The following TENM4 variants were observed in gnomAD, a reference collection of about 807,000 sequenced individuals.
TENM4 encodes teneurin transmembrane protein 4, also known as teneurin-4.
In TENM4, 82 loss-of-function variants were observed where a neutral mutation model predicts 243.3. The observed-to-expected ratio is 0.34, with a 90% CI of 0.28 to 0.40. The LOEUF is 0.40. Among genes scored for constraint, TENM4 ranks in the 10% least tolerant of loss-of-function variants. The pLI, the probability that TENM4 is intolerant of heterozygous loss-of-function variation, is 1.00. For missense variants in TENM4, 3,138 were observed against 3,673.3 expected, an observed-to-expected ratio of 0.85 and a Z score of 3.77; for synonymous variants, 1,412 against 1,456.3, an observed-to-expected ratio of 0.97 and a Z score of 0.69.
At chr11:79,197,605 C>T (rs1438634660) in intron 3 of TENM4, among the ~76,000 whole-genome samples, 2 of 152,196 alleles carry the variant, frequency 1.3e-5, no homozygotes, top group Non-Finnish European at 2.9e-5. Context: ...CTTCCATCCT[C>T]CTGTGATTTC....
chr11:79,197,323 T>A (rs2135181469), intron 3 of TENM4, among the ~76,000 whole-genome samples: 1 of 149,608 alleles, frequency 6.7e-6, no homozygotes. Flanking sequence ...CCCTGGCTGC[T>A]CATTAGAATC....
At chr11:78,863,802 C>T (rs888354540) in intron 9 of TENM4, among the ~76,000 whole-genome samples, 1 of 152,216 alleles carries the variant, frequency 6.6e-6, no homozygotes, top group African/African-American at 2.4e-5. Flanking sequence ...AATACACATA[C>T]CCTTTATCCT....
intron 2 of TENM4, among the ~76,000 whole-genome samples, chr11:79,261,722 T>C (rs1855801515): frequency 6.6e-6 from 1 of 152,082 alleles, no homozygotes; most frequent in African/African-American, 2.4e-5. Flanking sequence ...GCGCTATGTG[T>C]TTGGAGATGA....
intron 20 of TENM4, among the ~76,000 whole-genome samples, chr11:78,734,192 AAAAAAT>A (rs1239492695): frequency 4.9e-4 from 2 of 4,102 alleles, no homozygotes; most frequent in Non-Finnish European, 2.8e-3. Flanking sequence ...ACCTGTCTCA[AAAAAAT>A]AAAAAATAAA....
chr11:78,867,435 G>T (rs528402), intron 9 of TENM4, among the ~76,000 whole-genome samples: 70,007 of 152,048 alleles, frequency 0.46, 19,487 homozygotes, highest in African/African-American at 0.79. Flanking sequence ...TAGTGACCCT[G>T]TCATTCTTTT....
chr11:79,232,871 T>G (rs1864397124), intron 2 of TENM4, among the ~76,000 whole-genome samples: 1 of 151,758 alleles, frequency 6.6e-6, no homozygotes, highest in Non-Finnish European at 1.5e-5. Flanking sequence ...GAGAGTGGAG[T>G]GGTTTAGAGC....
chr11:79,408,788 C>G (rs1858626182), intron 1 of TENM4, among the ~76,000 whole-genome samples: 1 of 152,082 alleles, frequency 6.6e-6, no homozygotes, highest in African/African-American at 2.4e-5. Flanking sequence ...CAGTGGAAAC[C>G]CATCAAAGCC....
intron 12 of TENM4, among the ~76,000 whole-genome samples, chr11:78,845,396 A>G (rs1179453080): frequency 1.3e-5 from 2 of 152,168 alleles, no homozygotes; most frequent in Non-Finnish European, 2.9e-5. Flanking sequence ...CTTATCCAAA[A>G]TCCCACAGCT....
chr11:78,664,873 G>C (rs536698323), intron 32 of TENM4, among the ~76,000 whole-genome samples: 1 of 152,334 alleles, frequency 6.6e-6, no homozygotes, highest in South Asian at 2.1e-4. Context: ...CTAGGGGGCT[G>C]AGAAGAGGGC....
chr11:79,254,203 C>T (rs543082444), intron 2 of TENM4, among the ~76,000 whole-genome samples: 1 of 152,144 alleles, frequency 6.6e-6, no homozygotes, highest in Non-Finnish European at 1.5e-5. Flanking sequence ...ACCCATCCCC[C>T]AAAACATGCC....
intron 15 of TENM4, among the ~76,000 whole-genome samples, chr11:78,787,990 GCT>G (rs1565379292): frequency 6.6e-6 from 1 of 152,210 alleles, no homozygotes; most frequent in Non-Finnish European, 1.5e-5. Context: ...GTCCACTGAA[GCT>G]CTCTGCCAGG....
At chr11:79,173,229 G>A (rs796716749) in intron 3 of TENM4, among the ~76,000 whole-genome samples, 3 of 152,168 alleles carry the variant, frequency 2.0e-5, no homozygotes, top group Non-Finnish European at 2.9e-5. Context: ...TTATGTCACC[G>A]TTGGAAGGAA....
chr11:79,244,263 G>A (rs906305701), intron 2 of TENM4, among the ~76,000 whole-genome samples: 2 of 152,182 alleles, frequency 1.3e-5, no homozygotes, highest in African/African-American at 2.4e-5. Flanking sequence ...TGGCTCCACC[G>A]GGGGTGAGCA....
At chr11:78,941,989 T>A (rs757612916) in intron 6 of TENM4, among the ~76,000 whole-genome samples, 1 of 151,894 alleles carries the variant, frequency 6.6e-6, no homozygotes. Flanking sequence ...CAGGGCTCAC[T>A]GCTGGCTTTC....
At position 78,685,206 on chromosome 11, in the gene TENM4, T is replaced by G. The variant is rs576829992; in HGVS notation, c.5260+2848A>C. Among the ~76,000 whole-genome samples, 14 of 152,336 alleles carry G rather than the reference T, an allele frequency of 9.2e-5. No individual in the cohort carries two copies. The South Asian group carries it at 2.1e-3, about 23-fold the overall frequency. Reference sequence around the variant, plus strand: ...TGCTGAATCCACATATGTCCATTAATGGTGACTTGGAGGGAACAGCATCTG... The same window carrying G: ...TGCTGAATCCACATATGTCCATTAAGGGTGACTTGGAGGGAACAGCATCTG... On this transcript the variant is annotated intron_variant, in intron 29 of 33. Coordinates refer to ENST00000278550, the MANE Select transcript of TENM4 (RefSeq NM_001098816.3).
At chr11:79,248,561 C>G (rs1229582309) in intron 2 of TENM4, among the ~76,000 whole-genome samples, 6 of 152,194 alleles carry the variant, frequency 3.9e-5, no homozygotes, top group African/African-American at 1.2e-4. Context: ...CCCAAGGATT[C>G]AAAAATAAAA....
At position 79,376,247 on chromosome 11, in the gene TENM4, G is replaced by T. The variant is rs876194; in HGVS notation, c.-321+64262C>A. On this transcript the variant is annotated intron_variant, in intron 1 of 33. Coordinates refer to ENST00000278550, the MANE Select transcript of TENM4 (RefSeq NM_001098816.3). ...GTGGGTTTCACCTATGTGGATGGAG[G>T]GATATGAGGCACAAAGATAGTAGGT... is the stretch of plus-strand genomic sequence containing the variant. Among the ~76,000 whole-genome samples, 102 of 152,156 alleles carry T rather than the reference G, an allele frequency of 6.7e-4. 1 individual carries two copies. Among genetic ancestry groups the T allele is most frequent in the Non-Finnish European group, 1.2e-3 (83 of 67,988 alleles).
chr11:78,965,341 C>T (rs1051339418), intron 6 of TENM4, among the ~76,000 whole-genome samples: 2 of 152,212 alleles, frequency 1.3e-5, no homozygotes, highest in Non-Finnish European at 2.9e-5. Context: ...ACTCCCCCTA[C>T]GGTTCCAGTT....
chr11:78,754,430 C>A (rs916960697), intron 19 of TENM4, among the ~76,000 whole-genome samples: 2 of 152,076 alleles, frequency 1.3e-5, no homozygotes, highest in South Asian at 2.1e-4. Flanking sequence ...ACCAGGAGGA[C>A]ATACAGGAGA....
Sources: allele counts gnomAD v4.1 joint callset (sites outside exome capture counted in the v4.1 genomes callset), GRCh38; gene constraint gnomAD v4.1.1; transcripts MANE v1.5; gene names NCBI Gene and HGNC (gene_info 2026-07-23, HGNC 2026-07-21).